SDK1: variants seen among roughly 807,000 people sequenced by gnomAD.
SDK1 encodes sidekick cell adhesion molecule 1.
Under a neutral mutation model 245.5 loss-of-function variants are expected in SDK1, and 157 were observed. That is an observed-to-expected ratio of 0.64 (90% CI 0.56 to 0.73). The LOEUF (loss-of-function observed/expected upper bound fraction) is 0.73, where lower values mean the gene tolerates loss of function less well. Among genes scored for constraint, SDK1 ranks in the 30% least tolerant of loss-of-function variants. The pLI is 0.00. For synonymous variants in SDK1, 1,647 were observed against 1,278.5 expected (o/e 1.29, Z -6.15); for missense variants, 3,583 against 3,002.3 (o/e 1.19, Z -4.52).
chr7:3,703,594 A>G (rs1234033638), intron 4 of SDK1, among the ~76,000 whole-genome samples: 2 of 152,160 alleles, frequency 1.3e-5, no homozygotes, highest in Admixed American at 6.6e-5. Context: ...CACACATTGC[A>G]CTAATTTCAA....
chr7:4,239,035 C>A (rs143312499), intron 42 of SDK1, among the ~76,000 whole-genome samples: 148 of 152,330 alleles, frequency 9.7e-4, no homozygotes, highest in Middle Eastern at 3.4e-3. Flanking sequence ...TTGAACCTTG[C>A]CTGTGTCCGT....
In SDK1 at chr7:4,209,559, C is replaced by T. The variant is rs148389046; in HGVS notation, c.5402-466C>T. On this transcript the variant is annotated intron_variant, in intron 37 of 44. Transcript: ENST00000404826. ...CTGGAGAGTGTGGTGGGAGATTTCA[C>T]GTGCAGGAGCCAGGGGTGTCCCCCA... Among the ~76,000 whole-genome samples, 1,186 of 152,274 alleles carry T rather than the reference C, an allele frequency of 7.8e-3. 15 individuals are homozygous for T. The highest frequency in any genetic ancestry group is 0.027 in the African/African-American group (1,124 of 41,546).
At chr7:4,133,997 G>A (rs1040712621) in intron 28 of SDK1, among the ~76,000 whole-genome samples, 7 of 152,330 alleles carry the variant, frequency 4.6e-5, no homozygotes, top group African/African-American at 1.7e-4. Flanking sequence ...GGAGGCCTGT[G>A]TTGAACGGCA....
chr7:4,024,847 T>C (rs897856749), intron 17 of SDK1, among the ~76,000 whole-genome samples: 2 of 152,166 alleles, frequency 1.3e-5, no homozygotes, highest in Non-Finnish European at 2.9e-5. Flanking sequence ...TGTTTTTCAT[T>C]CTGTGTATAT....
chr7:3,303,540 AT>A (rs1779337470), intron 1 of SDK1, among the ~76,000 whole-genome samples: 1 of 150,050 alleles, frequency 6.7e-6, no homozygotes, highest in South Asian at 2.1e-4. Context: ...ATGAAAATAC[AT>A]TTTAAAAATA....
chr7:3,565,780 G>C (rs1779894714), intron 1 of SDK1, among the ~76,000 whole-genome samples: 2 of 152,190 alleles, frequency 1.3e-5, no homozygotes, highest in African/African-American at 4.8e-5. Context: ...GCTATGTTAA[G>C]TAGTTGTTAT....
intron 5 of SDK1, among the ~76,000 whole-genome samples, chr7:3,927,836 G>T (rs778223762): frequency 1.3e-5 from 2 of 152,206 alleles, no homozygotes; most frequent in Non-Finnish European, 2.9e-5. Flanking sequence ...TGGAAATCGT[G>T]GTTGCAACTG....
In SDK1 at chr7:4,030,444, G is replaced by A. The variant is rs571306970; in HGVS notation, c.2602+13092G>A. On this transcript the variant is annotated intron_variant, in intron 17 of 44. Coordinates refer to ENST00000404826, the MANE Select transcript of SDK1 (RefSeq NM_152744.4). ...TTGACGTAAGGAGCAGGAAGGTTGG[G>A]TCCAAGAAGTTTTGCTGGTGGCAGT... Among the ~76,000 whole-genome samples, 6 of 152,316 alleles carry A rather than the reference G, an allele frequency of 3.9e-5. No homozygotes were observed. The South Asian group carries it at 1.2e-3, about 32-fold the overall frequency.
At chr7:3,520,014 T>C (rs1418086435) in intron 1 of SDK1, among the ~76,000 whole-genome samples, 1 of 152,228 alleles carries the variant, frequency 6.6e-6, no homozygotes, top group African/African-American at 2.4e-5. Flanking sequence ...GCTTTTTCAT[T>C]GAGCACATTC....
At chr7:3,788,790 C>G (rs978960428) in intron 4 of SDK1, among the ~76,000 whole-genome samples, 5 of 152,156 alleles carry the variant, frequency 3.3e-5, no homozygotes, top group African/African-American at 4.8e-5. Context: ...TAGTGCTACC[C>G]AAAGGTCCCT....
chr7:3,643,555 A>G (rs1196013518), intron 4 of SDK1: 1 of 143,496 alleles, frequency 7.0e-6, no homozygotes, highest in African/African-American at 2.7e-5. Context: ...CCACCTGAGC[A>G]TCTGTGGAGT....
chr7:3,919,503 C>T (rs750377915), intron 5 of SDK1, among the ~76,000 whole-genome samples: 5 of 152,198 alleles, frequency 3.3e-5, no homozygotes, highest in Non-Finnish European at 5.9e-5. Flanking sequence ...GAGTTGCACT[C>T]GTACCCTCCC....
chr7:3,626,720 G>C (rs529582340), intron 2 of SDK1, among the ~76,000 whole-genome samples: 1 of 152,242 alleles, frequency 6.6e-6, no homozygotes, highest in South Asian at 2.1e-4. Context: ...GTGTAGTAAC[G>C]CCTTTCTTTT....
At chr7:4,053,801 C>G (rs948718579) in intron 19 of SDK1, among the ~76,000 whole-genome samples, 1 of 152,124 alleles carries the variant, frequency 6.6e-6, no homozygotes, top group Non-Finnish European at 1.5e-5. Context: ...AAAAGTAGCC[C>G]TGCTGCTGCT....
intron 5 of SDK1, among the ~76,000 whole-genome samples, chr7:3,936,462 A>G (rs1008480529): frequency 2.0e-5 from 3 of 151,896 alleles, no homozygotes; most frequent in Admixed American, 1.3e-4. Flanking sequence ...GCAGGTGCCT[A>G]TAGTCCCAGC....
At chr7:3,643,709 C>A (rs1782728441) in intron 4 of SDK1, 1 of 136,900 alleles carries the variant, frequency 7.3e-6, no homozygotes, top group African/African-American at 2.8e-5. Flanking sequence ...ATTCTCATCT[C>A]CCACCCCTAC....
At chr7:3,724,455 A>G (rs1778949102) in intron 4 of SDK1, among the ~76,000 whole-genome samples, 1 of 152,278 alleles carries the variant, frequency 6.6e-6, no homozygotes, top group Admixed American at 6.5e-5. Flanking sequence ...CTATTGTACC[A>G]TCACCTTATT....
At chr7:4,134,356 G>A (rs921502583) in intron 28 of SDK1, among the ~76,000 whole-genome samples, 4 of 152,300 alleles carry the variant, frequency 2.6e-5, no homozygotes, top group African/African-American at 7.2e-5. Context: ...CTGGCCCGGC[G>A]GAGAGGGAGC....
intron 1 of SDK1, among the ~76,000 whole-genome samples, chr7:3,589,310 G>A (rs1022432152): frequency 6.6e-5 from 10 of 152,124 alleles, no homozygotes; most frequent in African/African-American, 2.4e-4. Context: ...GCCTGTTGAC[G>A]TCAGTACTGA....
Sources: allele counts gnomAD v4.1 joint callset (sites outside exome capture counted in the v4.1 genomes callset), GRCh38; gene constraint gnomAD v4.1.1; transcripts MANE v1.5; gene names NCBI Gene and HGNC (gene_info 2026-07-23, HGNC 2026-07-21).